Variants in FHOD3 observed in about 807,000 individuals in gnomAD.
FHOD3 encodes the protein formin homology 2 domain containing 3, also known as FH1/FH2 domain-containing protein 3.
A neutral mutation model predicts 173.0 loss-of-function variants in FHOD3; 90 were observed. That is an observed-to-expected ratio of 0.52 (90% confidence interval 0.44 to 0.62). FHOD3 has a LOEUF of 0.62. FHOD3 is among the 20% of genes least tolerant of loss of function. The pLI, the probability that FHOD3 is intolerant of heterozygous loss-of-function variation, is 0.00. For synonymous variants in FHOD3, 828 were observed against 823.0 expected (o/e 1.01, Z -0.10); for missense variants, 1,945 against 2,034.7 (o/e 0.96, Z 0.85).
At chr18:36,612,953 A>G (rs2032840735) in intron 9 of FHOD3, among the ~76,000 whole-genome samples, 1 of 152,210 alleles carries the variant, frequency 6.6e-6, no homozygotes, top group South Asian at 2.1e-4. Context: ...AGGATCTAGG[A>G]GCTGCCCTAT....
chr18:36,341,325 C>G (rs2045608836), intron 1 of FHOD3, among the ~76,000 whole-genome samples: 1 of 152,102 alleles, frequency 6.6e-6, no homozygotes, highest in Admixed American at 6.5e-5. Flanking sequence ...GACCAATATT[C>G]TACCCAGAAC....
intron 1 of FHOD3, among the ~76,000 whole-genome samples, chr18:36,300,779 C>A (rs1167940739): frequency 1.3e-5 from 2 of 152,018 alleles, no homozygotes; most frequent in Non-Finnish European, 2.9e-5. Flanking sequence ...ACTCTTGTCA[C>A]CTAGGCTGGA....
At chr18:36,507,222 G>A (rs900013382) in intron 4 of FHOD3, among the ~76,000 whole-genome samples, 2 of 152,256 alleles carry the variant, frequency 1.3e-5, no homozygotes, top group Non-Finnish European at 2.9e-5. Context: ...ACCCACATGG[G>A]TGGCTAAGAT....
intron 24 of FHOD3, among the ~76,000 whole-genome samples, chr18:36,754,586 G>A (rs1402070057): frequency 1.3e-5 from 2 of 151,884 alleles, no homozygotes; most frequent in African/African-American, 4.8e-5. Context: ...TCAGAAAACA[G>A]CATCTACTTA....
In FHOD3 at chr18:36,709,214, G is replaced by T; in HGVS notation, c.2356G>T (p.Glu786Ter). 2 of 1,614,224 alleles carry T rather than the reference G, an allele frequency of 1.2e-6. No homozygotes were observed. Among genetic ancestry groups the T allele is most frequent in the Non-Finnish European group, 1.7e-6 (2 of 1,180,048 alleles). The change falls in exon 18 of 29, where the codon GAA (glutamate) becomes TAA (stop). Residue 786 changes from glutamate (E) to a stop codon, truncating the protein, a stop_gained. Coordinates refer to ENST00000590592, the MANE Select transcript of FHOD3 (RefSeq NM_001281740.3). LOFTEE classifies it high-confidence loss of function. The stretch of plus-strand genomic sequence containing the variant: ...CTCTGCCCACGAGGGTGCAGAGACT[G>T]AAGTGGAGCAGGCACTAGAGCAAGA... ...IASAHEGAET[E>*]VEQALEQEPE...
chr18:36,582,258 T>C (rs1185065435), intron 6 of FHOD3, among the ~76,000 whole-genome samples: 1 of 152,326 alleles, frequency 6.6e-6, no homozygotes, highest in Middle Eastern at 3.4e-3. Flanking sequence ...CCTCTGGTCT[T>C]GGAGCCACTG....
chr18:36,320,052 C>T (rs527295928), intron 1 of FHOD3, among the ~76,000 whole-genome samples: 141 of 152,270 alleles, frequency 9.3e-4, no homozygotes, highest in African/African-American at 3.3e-3. Context: ...CTAAAATTGA[C>T]ACCCTAATGT....
chr18:36,453,167 C>G (rs556810828), intron 3 of FHOD3, among the ~76,000 whole-genome samples: 1 of 152,186 alleles, frequency 6.6e-6, no homozygotes, highest in South Asian at 2.1e-4. Context: ...TGGTGTTGCT[C>G]TGATCACATA....
At chr18:36,496,280 A>G (rs1442506477) in intron 3 of FHOD3, among the ~76,000 whole-genome samples, 1 of 152,208 alleles carries the variant, frequency 6.6e-6, no homozygotes, top group Non-Finnish European at 1.5e-5. Context: ...ACCACATCAA[A>G]GGGCTGTCAC....
intron 15 of FHOD3, among the ~76,000 whole-genome samples, chr18:36,684,766 A>C (rs1321165228): frequency 2.0e-5 from 3 of 152,184 alleles, no homozygotes; most frequent in South Asian, 4.1e-4. Context: ...GGAGTCCCAG[A>C]AGTATAGGAG....
chr18:36,357,365 T>G (rs2046408383), intron 2 of FHOD3, among the ~76,000 whole-genome samples: 2 of 152,220 alleles, frequency 1.3e-5, no homozygotes, highest in Middle Eastern at 3.2e-3. Context: ...TCAGCATGTT[T>G]CAGGCACTTA....
At chr18:36,448,364 T>C (rs1224524119) in intron 3 of FHOD3, among the ~76,000 whole-genome samples, 1 of 152,206 alleles carries the variant, frequency 6.6e-6, no homozygotes, top group Non-Finnish European at 1.5e-5. Flanking sequence ...CTTTGGGACT[T>C]TGCATTGTAT....
chr18:36,426,169 G>A (rs2050233800), intron 3 of FHOD3, among the ~76,000 whole-genome samples: 1 of 152,042 alleles, frequency 6.6e-6, no homozygotes, highest in Non-Finnish European at 1.5e-5. Context: ...CTCCCAAAGT[G>A]CTGGGATTAC....
At chr18:36,694,768 A>G (rs368433580) in intron 17 of FHOD3, among the ~76,000 whole-genome samples, 3 of 152,006 alleles carry the variant, frequency 2.0e-5, no homozygotes, top group East Asian at 1.9e-4. Flanking sequence ...GGGAATTGAC[A>G]GTGTCTGTAA....
chr18:36,681,712 C>T (rs1481054168), intron 15 of FHOD3, 142 bp downstream of exon 15: 1 of 1,037,402 alleles, frequency 9.6e-7, no homozygotes, highest in South Asian at 1.8e-5. Context: ...AAAGACATAC[C>T]TGAAATAGGC....
intron 6 of FHOD3, among the ~76,000 whole-genome samples, chr18:36,578,479 C>T (rs2058736420): frequency 6.6e-6 from 1 of 152,190 alleles, no homozygotes; most frequent in South Asian, 2.1e-4. Flanking sequence ...TGGGTGGGGA[C>T]AGAGAACCAA....
At chr18:36,666,126 G>A (rs1207604763) in intron 14 of FHOD3, among the ~76,000 whole-genome samples, 1 of 152,258 alleles carries the variant, frequency 6.6e-6, no homozygotes, top group Non-Finnish European at 1.5e-5. Context: ...GAGACTCCAT[G>A]TGGGACCAGT....
At chr18:36,485,425 G>A (rs2054142765) in intron 3 of FHOD3, among the ~76,000 whole-genome samples, 1 of 152,180 alleles carries the variant, frequency 6.6e-6, no homozygotes, top group South Asian at 2.1e-4. Flanking sequence ...GTGCCAGCAA[G>A]CCTGTGAGCA....
chr18:36,685,288 A>G (rs2038531437), intron 15 of FHOD3, among the ~76,000 whole-genome samples: 2 of 152,138 alleles, frequency 1.3e-5, no homozygotes, highest in Non-Finnish European at 2.9e-5. Flanking sequence ...GCCCTCCTCC[A>G]CTCATCCAAA....
Sources: gnomAD v4.1 joint callset for allele counts (sites outside exome capture counted in the v4.1 genomes callset) on GRCh38, gnomAD v4.1.1 for gene constraint, MANE v1.5 for transcripts, NCBI Gene and HGNC (gene_info 2026-07-23, HGNC 2026-07-21) for gene names.